PTPRG: variants seen among roughly 807,000 people sequenced by gnomAD.
The protein encoded by PTPRG is receptor-type tyrosine-protein phosphatase gamma.
PTPRG carries 102 observed loss-of-function variants against 165.3 expected under a neutral mutation model. The ratio of observed to expected loss-of-function variants is 0.62; its 90% CI spans 0.53 to 0.73. PTPRG has a LOEUF of 0.73. Among genes scored for constraint, PTPRG ranks in the 30% least tolerant of loss-of-function variants. The pLI is 0.00. For missense variants in PTPRG, 1,866 were observed against 1,861.4 expected (o/e 1.00, Z -0.05); for synonymous variants, 675 against 669.5 (o/e 1.01, Z -0.13).
intron 1 of PTPRG, among the ~76,000 whole-genome samples, chr3:61,738,889 C>G (rs556246686): frequency 9.9e-5 from 15 of 151,520 alleles, no homozygotes; most frequent in Admixed American, 6.6e-5. Flanking sequence ...ATCCTCCCGT[C>G]TCAGCCTCCT....
chr3:62,284,738 A>G (rs1702573980), intron 28 of PTPRG, among the ~76,000 whole-genome samples: 1 of 152,130 alleles, frequency 6.6e-6, no homozygotes. Context: ...TTAACTGTAC[A>G]GACCAGAAAC....
intron 2 of PTPRG, among the ~76,000 whole-genome samples, chr3:61,881,691 TTCCTC>T (rs2037893338): frequency 6.6e-6 from 1 of 152,224 alleles, no homozygotes; most frequent in East Asian, 1.9e-4. Context: ...CACAACTTCC[TTCCTC>T]TCCTCTCCCT....
At chr3:61,716,544 C>T (rs2031815645) in intron 1 of PTPRG, among the ~76,000 whole-genome samples, 1 of 150,930 alleles carries the variant, frequency 6.6e-6, no homozygotes, top group Admixed American at 6.6e-5. Flanking sequence ...TATGTGTCCC[C>T]ATTGCGTACT....
chr3:61,866,655 A>C (rs2037419926), intron 2 of PTPRG, among the ~76,000 whole-genome samples: 1 of 122,696 alleles, frequency 8.2e-6, no homozygotes, highest in African/African-American at 3.0e-5. Context: ...GCTGGAGTGC[A>C]GTGGTACGGT....
At chr3:62,259,681 A>G (rs1213705626) in intron 16 of PTPRG, among the ~76,000 whole-genome samples, 1 of 152,200 alleles carries the variant, frequency 6.6e-6, no homozygotes, top group African/African-American at 2.4e-5. Flanking sequence ...CATGAAAAAT[A>G]ATTCTTATGC....
chr3:61,736,675 C>T (rs2032735967), intron 1 of PTPRG, among the ~76,000 whole-genome samples: 1 of 152,200 alleles, frequency 6.6e-6, no homozygotes, highest in Non-Finnish European at 1.5e-5. Flanking sequence ...CCCCTGTGCA[C>T]AGGTGGAAGT....
At chr3:61,623,255 C>T (rs1364866481) in intron 1 of PTPRG, among the ~76,000 whole-genome samples, 5 of 152,178 alleles carry the variant, frequency 3.3e-5, no homozygotes, top group African/African-American at 1.2e-4. Context: ...TACATTGGCC[C>T]TACCATGTTT....
intron 5 of PTPRG, among the ~76,000 whole-genome samples, chr3:62,115,287 T>C (rs1279744057): frequency 6.6e-6 from 1 of 152,174 alleles, no homozygotes; most frequent in Middle Eastern, 3.2e-3. Context: ...TCAACATTAA[T>C]GCAGATGACT....
chr3:61,686,997 C>T (rs1703655646), intron 1 of PTPRG, among the ~76,000 whole-genome samples: 1 of 152,074 alleles, frequency 6.6e-6, no homozygotes, highest in Non-Finnish European at 1.5e-5. Flanking sequence ...ATTATCAGTT[C>T]AGAAAATTAA....
At chr3:61,677,653 T>C (rs750059133) in intron 1 of PTPRG, among the ~76,000 whole-genome samples, 9 of 152,254 alleles carry the variant, frequency 5.9e-5, no homozygotes, top group Non-Finnish European at 1.2e-4. Flanking sequence ...CTCTCTGTGC[T>C]GCAATAGCTA....
At chr3:61,957,691 G>A (rs146162950) in intron 2 of PTPRG, among the ~76,000 whole-genome samples, 2 of 152,340 alleles carry the variant, frequency 1.3e-5, no homozygotes, top group African/African-American at 2.4e-5. Flanking sequence ...TCTATTCCAC[G>A]TAGTCCTGGA....
chr3:61,663,190 G>A (rs1025878925), intron 1 of PTPRG, among the ~76,000 whole-genome samples: 1 of 151,990 alleles, frequency 6.6e-6, no homozygotes, highest in Admixed American at 6.5e-5. Flanking sequence ...AAAAATAAAA[G>A]AGCAATGTCG....
intron 1 of PTPRG, among the ~76,000 whole-genome samples, chr3:61,713,520 T>C (rs1177815084): frequency 1.3e-5 from 2 of 151,928 alleles, no homozygotes; most frequent in African/African-American, 2.4e-5. Flanking sequence ...ACCTCCTTTG[T>C]TAGGCAAGGG....
At chr3:62,010,909 A>G (rs115638259) in intron 4 of PTPRG, among the ~76,000 whole-genome samples, 2,200 of 152,302 alleles carry the variant, frequency 0.014, 48 homozygotes, top group African/African-American at 0.05. Flanking sequence ...AGCAAGGTCC[A>G]GGTTCTTGTC....
chr3:62,192,176 A>G (rs1343076658), intron 9 of PTPRG, among the ~76,000 whole-genome samples: 1 of 151,908 alleles, frequency 6.6e-6, no homozygotes, highest in Non-Finnish European at 1.5e-5. Flanking sequence ...CACATTTCCA[A>G]TACCTGCCAA....
intron 6 of PTPRG, among the ~76,000 whole-genome samples, chr3:62,152,235 G>A (rs148562932): frequency 0.012 from 1,749 of 151,566 alleles, 15 homozygotes; most frequent in Middle Eastern, 0.038. Flanking sequence ...AGGCAGGCAT[G>A]GTGATACAAG....
intron 5 of PTPRG, among the ~76,000 whole-genome samples, chr3:62,080,418 C>G (rs1701531775): frequency 6.6e-6 from 1 of 152,038 alleles, no homozygotes; most frequent in Non-Finnish European, 1.5e-5. Flanking sequence ...TTTGGTAGAA[C>G]TGGGACCACA....
intron 3 of PTPRG, among the ~76,000 whole-genome samples, chr3:61,999,050 T>G (rs950881166): frequency 2.6e-5 from 4 of 152,048 alleles, no homozygotes; most frequent in Non-Finnish European, 5.9e-5. Flanking sequence ...GGAGGCCTCT[T>G]TTTTTCTTTT....
intron 2 of PTPRG, among the ~76,000 whole-genome samples, chr3:61,856,448 G>T (rs1417282335): frequency 6.6e-6 from 1 of 152,078 alleles, no homozygotes; most frequent in Admixed American, 6.6e-5. Flanking sequence ...TGGAAACGAA[G>T]CCCACAGTTT....
Sources: allele counts gnomAD v4.1 joint callset (sites outside exome capture counted in the v4.1 genomes callset), GRCh38; gene constraint gnomAD v4.1.1; transcripts MANE v1.5; gene names NCBI Gene and HGNC (gene_info 2026-07-23, HGNC 2026-07-21).